CERS5: variants seen among roughly 807,000 people sequenced by gnomAD.
The protein encoded by CERS5 is LAG1 homolog, ceramide synthase 5.
Under a neutral mutation model 58.9 loss-of-function variants are expected in CERS5, and 37 were observed. The observed-to-expected ratio is 0.63, with a 90% CI of 0.48 to 0.83. The LOEUF is 0.83. Ranked by LOEUF, CERS5 falls within the 40% of genes least tolerant of loss-of-function variation. CERS5 has a pLI of 0.00. For synonymous variants in CERS5, 147 were observed against 177.8 expected, an observed-to-expected ratio of 0.83 and a Z score of 1.38; for missense variants, 398 against 489.3, an observed-to-expected ratio of 0.81 and a Z score of 1.76.
At chr12:50,143,892 C>A in intron 2 of CERS5, 60 bp downstream of exon 2, 1 of 1,034,886 alleles carries the variant, frequency 9.7e-7, no homozygotes. Flanking sequence ...CTCTATCCTC[C>A]CCTGCCCCAT....
intron 1 of CERS5, among the ~76,000 whole-genome samples, chr12:50,156,544 A>C (rs898602116): frequency 1.3e-5 from 2 of 150,916 alleles, no homozygotes; most frequent in Admixed American, 1.3e-4. Flanking sequence ...GTAGTGAGTC[A>C]TGATCATGCC....
At chr12:50,139,979 C>CT (rs1208997095) in intron 4 of CERS5, among the ~76,000 whole-genome samples, 1 of 70,232 alleles carries the variant, frequency 1.4e-5, no homozygotes, top group Non-Finnish European at 2.5e-5. Flanking sequence ...CCTACCTTAG[C>CT]CTCAAAGTGA....
chr12:50,131,639 T>C (rs1951332878), intron 9 of CERS5, among the ~76,000 whole-genome samples: 1 of 151,254 alleles, frequency 6.6e-6, no homozygotes, highest in Admixed American at 6.6e-5. Flanking sequence ...CACAAATGGA[T>C]TGGCAGTCAA....
chr12:50,149,136 T>C (rs1937657723), intron 1 of CERS5, among the ~76,000 whole-genome samples: 1 of 151,948 alleles, frequency 6.6e-6, no homozygotes, highest in Non-Finnish European at 1.5e-5. Flanking sequence ...AGATCATAGT[T>C]TGAAAACTGC....
At chr12:50,135,601 A>T in intron 8 of CERS5, 131 bp downstream of exon 8, 1 of 787,888 alleles carries the variant, frequency 1.3e-6, no homozygotes, top group South Asian at 1.4e-5. Context: ...AAGCAGGGCA[A>T]TAGGGTTCTT....
chr12:50,142,182 G>C, intron 3 of CERS5, 72 bp from the exon 4 acceptor site: 1 of 1,002,944 alleles, frequency 1.0e-6, no homozygotes, highest in Non-Finnish European at 1.5e-6. Flanking sequence ...CGGAAGTCAA[G>C]ATAGCAAATT....
At chr12:50,134,837 A>G (rs543109643) in intron 8 of CERS5, 135 bp from the exon 9 acceptor site, 2 of 717,348 alleles carry the variant, frequency 2.8e-6, no homozygotes, top group South Asian at 3.8e-5. Context: ...AGGGACCGTC[A>G]TCCACAGTAA....
intron 6 of CERS5, among the ~76,000 whole-genome samples, chr12:50,137,280 G>A (rs929874932): frequency 1.3e-5 from 2 of 152,154 alleles, no homozygotes; most frequent in Non-Finnish European, 2.9e-5. Flanking sequence ...CAGGAAGAGA[G>A]CAAAACCCCT....
intron 1 of CERS5, among the ~76,000 whole-genome samples, chr12:50,158,265 T>C (rs540122518): frequency 6.6e-6 from 1 of 152,238 alleles, no homozygotes; most frequent in East Asian, 1.9e-4. Flanking sequence ...AATGGATAAT[T>C]ATACAACTTA....
chr12:50,159,241 A>G (rs1162979935), intron 1 of CERS5, among the ~76,000 whole-genome samples: 1 of 152,138 alleles, frequency 6.6e-6, no homozygotes, highest in African/African-American at 2.4e-5. Context: ...GAATGGTGTG[A>G]ACCCGGGAGG....
chr12:50,137,281 CA>C (rs1951740098), intron 6 of CERS5, among the ~76,000 whole-genome samples: 1 of 152,152 alleles, frequency 6.6e-6, no homozygotes. Context: ...AGGAAGAGAG[CA>C]AAACCCCTTC....
chr12:50,142,960 T>C, intron 3 of CERS5, 114 bp downstream of exon 3: 1 of 1,169,224 alleles, frequency 8.6e-7, no homozygotes, highest in Non-Finnish European at 1.2e-6. Flanking sequence ...GAGTTAGTTC[T>C]CTATATCCAT....
intron 8 of CERS5, 156 bp downstream of exon 8, chr12:50,135,576 C>CA (rs1482147395): frequency 1.4e-6 from 1 of 737,930 alleles, no homozygotes; most frequent in Non-Finnish European, 2.5e-6. Flanking sequence ...AGAAGGTCAG[C>CA]ACAGGCTAAG....
chr12:50,167,141 G>T lies in CERS5; in HGVS notation c.157C>A (p.Leu53Met). ...CTCACGAAGAAGATGCCCGCCGCCA[G>T]CGGGAACACCGAGAGGATGTGCCGG... ...RGRHILSVFP[L>M]AAGIFFVRLL... The change falls in exon 1 of 10, where the codon CTG becomes ATG. Residue 53 changes from leucine to methionine, a missense_variant. Physicochemically the swap from Leu to Met is conservative, Grantham distance 15. This residue lies in a region of CERS5 where 328 missense variants were observed against 384.5 expected (regional missense o/e 0.85). Coordinates refer to ENST00000317551, the MANE Select transcript of CERS5 (RefSeq NM_147190.5). 6.3e-7 allele frequency: 1 copy of T among 1,584,762 alleles called. No homozygotes were observed. Among genetic ancestry groups the T allele is most frequent in the Non-Finnish European group, 8.5e-7 (1 of 1,169,662 alleles).
chr12:50,143,688 T>C (rs1952103960), intron 2 of CERS5: 1 of 382,966 alleles, frequency 2.6e-6, no homozygotes, highest in Admixed American at 3.9e-5. Flanking sequence ...AAAAACCAGA[T>C]ATGGTATGTG....
At chr12:50,134,489 T>C (rs1235276449) in intron 9 of CERS5, 57 bp downstream of exon 9, 13 of 1,613,450 alleles carry the variant, frequency 8.1e-6, no homozygotes, top group Non-Finnish European at 1.1e-5. Context: ...AGAGAACGTC[T>C]GTTGAGTAAT....
At chr12:50,143,576 GTC>G (rs1952098655) in intron 2 of CERS5, 2 of 248,414 alleles carry the variant, frequency 8.1e-6, no homozygotes, top group Non-Finnish European at 1.5e-5. Context: ...GCAAAACCTT[GTC>G]TCTCCAAAAA....
Position 50,156,420 on chromosome 12 carries a change from C to CTATATATATATATATATATATATATA in CERS5, c.197+10680_197+10681insTATATATATATATATATATATATATA, listed in dbSNP as rs55762917. ...CTCTGTCTCAAAACAAACAAACAAA[C>CTATATATATATATATATATATATATA]TATATATATATATATATAAAACAAT... is the stretch of plus-strand genomic sequence containing the variant. On this transcript the variant is annotated intron_variant, in intron 1 of 9. Coordinates refer to ENST00000317551, the MANE Select transcript of CERS5 (RefSeq NM_147190.5). Among the ~76,000 whole-genome samples, 360 of 77,208 alleles carry CTATATATATATATATATATATATATA rather than the reference C, an allele frequency of 4.7e-3. 17 individuals are homozygous for CTATATATATATATATATATATATATA. Among genetic ancestry groups the CTATATATATATATATATATATATATA allele is most frequent in the African/African-American group, 0.015 (292 of 19,286 alleles). The allele number at this position is 77,208 out of a possible 152,430, so 50.7% of individuals were successfully genotyped here. A position where few individuals can be genotyped will look rare whatever the true frequency, so the allele number is the denominator to read the frequency against.
At chr12:50,133,704 C>T in intron 9 of CERS5, 1 of 985,538 alleles carries the variant, frequency 1.0e-6, no homozygotes, top group Non-Finnish European at 1.2e-6. Flanking sequence ...ACCCTATCAT[C>T]CTTTAACAAA....
Sources: gnomAD v4.1 joint callset for allele counts (sites outside exome capture counted in the v4.1 genomes callset) on GRCh38, gnomAD v4.1.1 for gene constraint, gnomAD v4.1.1 regional missense constraint, MANE v1.5 for transcripts, NCBI Gene and HGNC (gene_info 2026-07-23, HGNC 2026-07-21) for gene names.